HEBP1: variants seen among roughly 807,000 people sequenced by gnomAD.
HEBP1 encodes the protein heme-binding protein 1.
Under a neutral mutation model 20.4 loss-of-function variants are expected in HEBP1, and 13 were observed. The observed-to-expected ratio is 0.64, with a 90% CI of 0.42 to 1.01. The LOEUF (loss-of-function observed/expected upper bound fraction) is 1.01. HEBP1 is among the 50% of genes least tolerant of loss of function. The probability of loss-of-function intolerance (pLI) is 0.00; values close to 1 mark genes in which losing one functional copy is unlikely to be tolerated. For synonymous variants in HEBP1, 92 were observed against 90.7 expected, an observed-to-expected ratio of 1.01 and a Z score of -0.08; for missense variants, 241 against 247.3, an observed-to-expected ratio of 0.97 and a Z score of 0.17.
rs781717766 is a variant in HEBP1 at position 12,989,277 on chromosome 12, C to G, written c.217G>C (p.Gly73Arg). 5.6e-6 allele frequency: 9 copies of G among 1,613,954 alleles called. No homozygotes were observed. The highest frequency in any genetic ancestry group is 1.1e-5 in the South Asian group (1 of 91,072). The part of the protein sequence containing the change: ...AKYAGGTNDK[G>R]IGMGMTVPIS... ...AGCCACATCCTGCAGGGGTACTCAC[C>G]CTTGTCATTGGTGCCCCCCGCATAC... The change falls in exon 2 of 4, where the codon GGA becomes CGA. Residue 73 changes from glycine (G) to arginine (R), a missense_variant and splice_region_variant. By Grantham distance (125) the Gly-to-Arg change is moderately radical. Coordinates refer to ENST00000014930, the MANE Select transcript of HEBP1 (RefSeq NM_015987.5).
intron 3 of HEBP1, among the ~76,000 whole-genome samples, chr12:12,977,748 T>C (rs1864011049): frequency 6.6e-6 from 1 of 152,174 alleles, no homozygotes. Context: ...ATGTTTTACT[T>C]TTTCTTTCTT....
chr12:12,975,324 C>T lies in HEBP1; in HGVS notation c.554G>A (p.Trp185Ter), dbSNP rs1193201211. 6.2e-7 allele frequency: 1 copy of T among 1,613,894 alleles called. No individual in the cohort carries two copies. Among genetic ancestry groups the T allele is most frequent in the Non-Finnish European group, 8.5e-7 (1 of 1,179,928 alleles). Reference protein sequence around the residue: ...MKPYGRRNEIWLLKT With the variant: ...MKPYGRRNEI ...GTGGGTCACTCATGTCTTCAACAGC[C>T]AGATCTCATTGCGCCGTCCGTAGGG... The change falls in exon 4 of 4, where the codon TGG becomes TAG. Residue 185 changes from tryptophan (W) to a stop codon, truncating the protein, a stop_gained. Transcript: ENST00000014930. LOFTEE classifies it high-confidence loss of function.
At chr12:12,987,967 A>G (rs753337527) in intron 2 of HEBP1, among the ~76,000 whole-genome samples, 1 of 152,144 alleles carries the variant, frequency 6.6e-6, no homozygotes, top group African/African-American at 2.4e-5. Context: ...TAAAACATCA[A>G]TCTAAAATAT....
chr12:12,983,377 G>T, intron 3 of HEBP1: 1 of 208,978 alleles, frequency 4.8e-6, no homozygotes, highest in Non-Finnish European at 9.9e-6. Flanking sequence ...GGTAATTAAC[G>T]ATGCTAATAA....
intron 3 of HEBP1, chr12:12,983,338 T>TC (rs2136542092): frequency 9.8e-6 from 2 of 203,448 alleles, no homozygotes; most frequent in South Asian, 1.5e-4. Flanking sequence ...CTATTTTTTT[T>TC]CACAGCATTC....
chr12:12,987,616 C>CTCTT (rs1565493023), intron 2 of HEBP1, among the ~76,000 whole-genome samples: 2 of 148,616 alleles, frequency 1.3e-5, no homozygotes, highest in African/African-American at 5.0e-5. Flanking sequence ...CTCTCTTTCT[C>CTCTT]TCTCTCTCTC....
chr12:12,989,663 C>G (rs993215206), intron 1 of HEBP1, among the ~76,000 whole-genome samples: 2 of 152,072 alleles, frequency 1.3e-5, no homozygotes, highest in African/African-American at 4.8e-5. Flanking sequence ...TCCTGAAAAC[C>G]AGAATGCTAC....
intron 2 of HEBP1, among the ~76,000 whole-genome samples, chr12:12,987,612 T>TCTTTCTCTC (rs1230851526): frequency 8.5e-6 from 1 of 117,786 alleles, no homozygotes; most frequent in South Asian, 2.7e-4. Context: ...CTCTCTCTCT[T>TCTTTCTCTC]TCTCTCTCTC....
At position 12,975,290 on chromosome 12, in the gene HEBP1, C is replaced by CT; in HGVS notation, c.*17dup. ...CACAGAGGCACACTTCCAGTAAGTT[C>CT]TTGGTTCAGTGGGTCACTCATGTCT... On this transcript the variant is annotated 3_prime_UTR_variant, in exon 4 of 4. Transcript: ENST00000014930. 1 of 1,611,936 alleles carries CT rather than the reference C, an allele frequency of 6.2e-7. No homozygotes were observed. The highest frequency in any genetic ancestry group is 8.5e-7 in the Non-Finnish European group (1 of 1,179,114).
At chr12:12,976,187 G>T (rs1437689054) in intron 3 of HEBP1, among the ~76,000 whole-genome samples, 1 of 151,248 alleles carries the variant, frequency 6.6e-6, no homozygotes, top group South Asian at 2.1e-4. Context: ...CCCCACACAA[G>T]CTTTAAACAT....
intron 3 of HEBP1, chr12:12,983,451 C>T (rs988301506): frequency 1.3e-4 from 39 of 297,672 alleles, no homozygotes; most frequent in Middle Eastern, 1.2e-3. Flanking sequence ...GAATGAAGGA[C>T]GCCAGGCTTT....
intron 2 of HEBP1, among the ~76,000 whole-genome samples, chr12:12,988,260 T>C (rs1203557625): frequency 2.0e-5 from 3 of 152,156 alleles, no homozygotes; most frequent in African/African-American, 4.8e-5. Context: ...GGAATACTGT[T>C]TTGTTATTTT....
intron 1 of HEBP1, among the ~76,000 whole-genome samples, chr12:12,990,618 G>C (rs1277918888): frequency 6.6e-6 from 1 of 152,192 alleles, no homozygotes; most frequent in Non-Finnish European, 1.5e-5. Context: ...AATTCAGTTC[G>C]TGGCTTGACT....
At chr12:12,978,556 A>G (rs2136537090) in intron 3 of HEBP1, among the ~76,000 whole-genome samples, 1 of 152,128 alleles carries the variant, frequency 6.6e-6, no homozygotes, top group East Asian at 1.9e-4. Context: ...CTTTGGAAGG[A>G]TCCCTCTGCT....
At chr12:12,990,857 C>T (rs998387754) in intron 1 of HEBP1, among the ~76,000 whole-genome samples, 3 of 152,166 alleles carry the variant, frequency 2.0e-5, no homozygotes, top group Admixed American at 1.3e-4. Flanking sequence ...ACCCTGTACT[C>T]GATGGATCAG....
chr12:12,989,106 C>T, intron 2 of HEBP1, among the ~76,000 whole-genome samples, 171 bp downstream of exon 2: 1 of 152,216 alleles, frequency 6.6e-6, no homozygotes, highest in Non-Finnish European at 1.5e-5. Flanking sequence ...GAGTGGTTTC[C>T]CCACATTCCT....
At chr12:12,976,798 C>T (rs1863995532) in intron 3 of HEBP1, among the ~76,000 whole-genome samples, 1 of 152,192 alleles carries the variant, frequency 6.6e-6, no homozygotes, top group African/African-American at 2.4e-5. Flanking sequence ...GAAAGTTGGG[C>T]TCTAGCTTCA....
intron 1 of HEBP1, among the ~76,000 whole-genome samples, chr12:12,997,040 TA>T (rs1203935166): frequency 6.6e-6 from 1 of 152,238 alleles, no homozygotes; most frequent in Non-Finnish European, 1.5e-5. Flanking sequence ...TTCATGGTTT[TA>T]AAGAATTTAA....
At chr12:12,993,702 G>A (rs192637189) in intron 1 of HEBP1, among the ~76,000 whole-genome samples, 35 of 152,308 alleles carry the variant, frequency 2.3e-4, no homozygotes, top group African/African-American at 8.4e-4. Flanking sequence ...TGGAGAAAGA[G>A]CTAACTGGCT....
Sources: gnomAD v4.1 joint callset for allele counts (sites outside exome capture counted in the v4.1 genomes callset) on GRCh38, gnomAD v4.1.1 for gene constraint, MANE v1.5 for transcripts, NCBI Gene and HGNC (gene_info 2026-07-23, HGNC 2026-07-21) for gene names.